Variants in TRAPPC9 observed in about 807,000 individuals in gnomAD.
The protein encoded by TRAPPC9 is trafficking protein particle complex subunit 9.
A neutral mutation model predicts 124.0 loss-of-function variants in TRAPPC9; 83 were observed. That is an observed-to-expected ratio of 0.67 (90% CI 0.56 to 0.80). The LOEUF (loss-of-function observed/expected upper bound fraction) is 0.80, where lower values mean the gene tolerates loss of function less well. Among genes scored for constraint, TRAPPC9 ranks in the 30% least tolerant of loss-of-function variants. The pLI, the probability that TRAPPC9 is intolerant of heterozygous loss-of-function variation, is 0.00. For missense variants in TRAPPC9, 1,302 were observed against 1,508.3 expected, an observed-to-expected ratio of 0.86 and a Z score of 2.27; for synonymous variants, 638 against 617.5, an observed-to-expected ratio of 1.03 and a Z score of -0.49.
chr8:140,301,601 C>T (rs372750826), intron 10 of TRAPPC9, among the ~76,000 whole-genome samples: 13 of 152,180 alleles, frequency 8.5e-5, no homozygotes, highest in Non-Finnish European at 1.2e-4. Flanking sequence ...CACTCCTGGA[C>T]GTCAGACAGA....
chr8:139,927,844 A>T (rs1380874036), intron 19 of TRAPPC9, among the ~76,000 whole-genome samples: 1 of 152,228 alleles, frequency 6.6e-6, no homozygotes, highest in Admixed American at 6.5e-5. Flanking sequence ...TGAGTGAGTG[A>T]TGTCAGACAA....
chr8:140,034,701 G>A (rs888512826), intron 17 of TRAPPC9, among the ~76,000 whole-genome samples: 2 of 152,228 alleles, frequency 1.3e-5, no homozygotes, highest in Non-Finnish European at 1.5e-5. Flanking sequence ...CAGGCACTGT[G>A]AGCAGCACTT....
At chr8:139,748,578 G>A (rs1429349634) in intron 21 of TRAPPC9, among the ~76,000 whole-genome samples, 2 of 151,850 alleles carry the variant, frequency 1.3e-5, no homozygotes, top group Admixed American at 6.6e-5. Context: ...TGTCAGAGCT[G>A]GCATGGGGGG....
chr8:140,001,035 T>C (rs1487575628), intron 18 of TRAPPC9, among the ~76,000 whole-genome samples: 2 of 152,176 alleles, frequency 1.3e-5, no homozygotes, highest in African/African-American at 4.8e-5. Context: ...ATATATACCA[T>C]GGAATACTAT....
intron 17 of TRAPPC9, among the ~76,000 whole-genome samples, chr8:140,187,030 CG>C (rs1484512650): frequency 6.6e-6 from 1 of 152,188 alleles, no homozygotes; most frequent in Non-Finnish European, 1.5e-5. Context: ...CTACAGATTG[CG>C]TATCCCTTTT....
At chr8:139,886,131 T>C (rs189615842) in intron 20 of TRAPPC9, among the ~76,000 whole-genome samples, 162 bp from the exon 21 acceptor site, 1 of 152,284 alleles carries the variant, frequency 6.6e-6, no homozygotes, top group East Asian at 1.9e-4. Context: ...TCACCCTGGG[T>C]ATGTGGACAT....
chr8:139,778,469 A>C (rs1821549714), intron 21 of TRAPPC9, among the ~76,000 whole-genome samples: 1 of 152,234 alleles, frequency 6.6e-6, no homozygotes, highest in Non-Finnish European at 1.5e-5. Context: ...AGTAAAAACA[A>C]CCAATCAAAA....
chr8:139,853,590 G>C lies in TRAPPC9; in HGVS notation c.3055+32289C>G, dbSNP rs80007501. On this transcript the variant is annotated intron_variant, in intron 21 of 22. Transcript: ENST00000438773. ...GCAAGGACTAATGAATGAACAAACA[G>C]GGCTTCAGCCACCACCTCCTGCAGG... is the stretch of plus-strand genomic sequence containing the variant. Among the ~76,000 whole-genome samples, 420 of 152,326 alleles carry C rather than the reference G, an allele frequency of 2.8e-3. 20 individuals are homozygous for C. In the East Asian group the frequency reaches 0.07, roughly 25 times the overall value.
At chr8:140,050,504 G>C (rs1841919369) in intron 17 of TRAPPC9, among the ~76,000 whole-genome samples, 1 of 151,950 alleles carries the variant, frequency 6.6e-6, no homozygotes, top group African/African-American at 2.4e-5. Context: ...CCCACCCCAG[G>C]TCCTCCCTCA....
rs1238816242 is a variant in TRAPPC9, at chr8:140,340,081, A to T, written c.1495+19969T>A. Among the ~76,000 whole-genome samples, 7 of 152,366 alleles carry T rather than the reference A, an allele frequency of 4.6e-5. No homozygotes were observed. The South Asian group carries it at 8.3e-4, about 18-fold the overall frequency. On this transcript the variant is annotated intron_variant, in intron 9 of 22. Coordinates refer to ENST00000438773, the MANE Select transcript of TRAPPC9 (RefSeq NM_001160372.4). Reference sequence around the variant, plus strand: ...ACGCTGGTCTCGAACTCCTGACCTCAGGTGATCCACCCACCTCAGCCTCCC... The same window carrying T: ...ACGCTGGTCTCGAACTCCTGACCTCTGGTGATCCACCCACCTCAGCCTCCC...
chr8:140,015,430 A>G (rs1191849957), intron 18 of TRAPPC9, among the ~76,000 whole-genome samples: 5 of 152,242 alleles, frequency 3.3e-5, no homozygotes, highest in Non-Finnish European at 7.3e-5. Context: ...ACCATGCATC[A>G]CGTAACTTCA....
chr8:139,998,716 C>T (rs1021080364), intron 18 of TRAPPC9, among the ~76,000 whole-genome samples: 20 of 151,376 alleles, frequency 1.3e-4, no homozygotes, highest in East Asian at 7.7e-4. Context: ...AGCGAGACTC[C>T]GTCTCAAAAA....
At chr8:139,872,039 G>C (rs1259628564) in intron 21 of TRAPPC9, among the ~76,000 whole-genome samples, 2 of 147,848 alleles carry the variant, frequency 1.4e-5, no homozygotes, top group African/African-American at 5.0e-5. Flanking sequence ...TGGATAAGTG[G>C]ATGGATGGAT....
At chr8:140,093,806 A>T (rs1278342051) in intron 17 of TRAPPC9, among the ~76,000 whole-genome samples, 1 of 152,200 alleles carries the variant, frequency 6.6e-6, no homozygotes, top group Non-Finnish European at 1.5e-5. Flanking sequence ...GCTTGAGGTC[A>T]CCTGACAATG....
Position 140,287,691 on chromosome 8 carries a change from G to A in TRAPPC9, c.1898C>T (p.Ala633Val), listed in dbSNP as rs375300224. ...SGVEFESLPA[A>V]LSLPAESGLY... ...ACCAGATTCAGCCGGAAGAGAAAGC[G>A]CCGCAGGGAGAGACTCGAACTCCAC... is the stretch of plus-strand genomic sequence containing the variant. Residue 633 changes from alanine (A) to valine (V), a missense_variant, in exon 13 of 23, where the codon GCG becomes GTG. Physicochemically the swap from Ala to Val is moderately conservative, Grantham distance 64 (BLOSUM62 0). This residue lies in a region of TRAPPC9 where 640 missense variants were observed against 679.3 expected (regional missense o/e 0.94). Transcript: ENST00000438773. The A allele has an allele frequency of 3.8e-4, 613 of 1,614,170 alleles. 1 individual carries two copies. The highest frequency in any genetic ancestry group is 4.5e-4 in the South Asian group (41 of 91,076).
At chr8:139,784,614 T>C (rs1198887109) in intron 21 of TRAPPC9, among the ~76,000 whole-genome samples, 4 of 54,198 alleles carry the variant, frequency 7.4e-5, no homozygotes, top group African/African-American at 1.3e-4. Context: ...CTGACATATA[T>C]ATATATATAT....
At chr8:140,409,268 C>A (rs574784400) in intron 5 of TRAPPC9, among the ~76,000 whole-genome samples, 2 of 152,004 alleles carry the variant, frequency 1.3e-5, no homozygotes, top group East Asian at 3.9e-4. Context: ...CCATTTGTCA[C>A]GTATCTAGTT....
rs752237226 is a variant in TRAPPC9 at position 140,435,236 on chromosome 8, G to A, written c.735C>T (p.Ala245=). 9 of 1,613,174 alleles carry A rather than the reference G, an allele frequency of 5.6e-6. No homozygotes were observed. The South Asian group carries it at 8.8e-5, about 16-fold the overall frequency. The change falls in exon 4 of 23, where the codon GCC becomes GCT. Residue 245 remains alanine (A), a synonymous_variant. Transcript: ENST00000438773. ...CAGAAGCTGAACACAATCCTTCCAGGGCAGCTGGGCATTAAGAAAACAAAA... is the reference window on the plus strand; with the variant it reads ...CAGAAGCTGAACACAATCCTTCCAGAGCAGCTGGGCATTAAGAAAACAAAA... ...SVNDFLWLGA[A]LEGLCSASVI...
chr8:139,926,635 C>T (rs1030589061), intron 19 of TRAPPC9, among the ~76,000 whole-genome samples: 12 of 147,588 alleles, frequency 8.1e-5, no homozygotes, highest in Non-Finnish European at 1.6e-4. Context: ...TCCTGAATAG[C>T]TTGAACCTGG....
Sources: allele counts gnomAD v4.1 joint callset (sites outside exome capture counted in the v4.1 genomes callset), GRCh38; gene constraint gnomAD v4.1.1; regional missense constraint gnomAD v4.1.1; transcripts MANE v1.5; gene names NCBI Gene and HGNC (gene_info 2026-07-23, HGNC 2026-07-21).